SYNPR: variants seen among roughly 807,000 people sequenced by gnomAD.
SYNPR encodes synaptoporin.
Under a neutral mutation model 32.9 loss-of-function variants are expected in SYNPR, and 23 were observed. The ratio of observed to expected loss-of-function variants is 0.70; its 90% CI spans 0.50 to 0.99. SYNPR has a LOEUF of 0.99. SYNPR is among the 50% of genes least tolerant of loss of function. The pLI, the probability that SYNPR is intolerant of heterozygous loss-of-function variation, is 0.00. For missense variants in SYNPR, 318 were observed against 349.3 expected (o/e 0.91, Z 0.71); for synonymous variants, 146 against 135.9 (o/e 1.07, Z -0.52).
intron 2 of SYNPR, among the ~76,000 whole-genome samples, chr3:63,336,861 C>A (rs1444754962): frequency 2.0e-5 from 3 of 152,074 alleles, no homozygotes; most frequent in Admixed American, 6.6e-5. Context: ...TGATAAAGCA[C>A]TTGTATCCAG....
chr3:63,380,966 G>A (rs1302798192), intron 2 of SYNPR, among the ~76,000 whole-genome samples: 2 of 152,076 alleles, frequency 1.3e-5, no homozygotes, highest in Non-Finnish European at 2.9e-5. Flanking sequence ...GGCAAAAACT[G>A]GAAGCATTCC....
At chr3:63,355,214 G>A (rs975050715) in intron 2 of SYNPR, among the ~76,000 whole-genome samples, 1 of 151,820 alleles carries the variant, frequency 6.6e-6, no homozygotes, top group African/African-American at 2.4e-5. Context: ...TGGAGGTGGA[G>A]GTTGCGGTGA....
intron 2 of SYNPR, among the ~76,000 whole-genome samples, chr3:63,264,623 C>T (rs1407706894): frequency 6.6e-6 from 1 of 152,134 alleles, no homozygotes; most frequent in Admixed American, 6.5e-5. Flanking sequence ...AAGTGGTAGC[C>T]TGACATTCAA....
chr3:63,366,504 T>G (rs2087731098), intron 2 of SYNPR, among the ~76,000 whole-genome samples: 1 of 152,200 alleles, frequency 6.6e-6, no homozygotes, highest in African/African-American at 2.4e-5. Context: ...GATAACAGTT[T>G]TACCTAGTGA....
intron 2 of SYNPR, among the ~76,000 whole-genome samples, chr3:63,445,369 T>G (rs1185851309): frequency 2.0e-5 from 3 of 152,170 alleles, no homozygotes; most frequent in African/African-American, 7.2e-5. Flanking sequence ...GGATCCTTAG[T>G]TGGAGTTAGA....
intron 2 of SYNPR, among the ~76,000 whole-genome samples, chr3:63,319,198 A>G (rs942849382): frequency 1.3e-5 from 2 of 151,912 alleles, no homozygotes; most frequent in Non-Finnish European, 2.9e-5. Context: ...TCTCCAATGT[A>G]TGTTTTTGGT....
At chr3:63,208,686 C>T in the SYNPR span, among the ~76,000 whole-genome samples, 5 of 152,104 alleles carry the variant, frequency 3.3e-5, no homozygotes, top group African/African-American at 4.8e-5. Flanking sequence ...TTTGGGAAGG[C>T]CTGCAAACTC....
chr3:63,383,181 A>G (rs1477385274), intron 2 of SYNPR, among the ~76,000 whole-genome samples: 1 of 152,174 alleles, frequency 6.6e-6, no homozygotes, highest in East Asian at 1.9e-4. Flanking sequence ...TTTTGTATTC[A>G]GTTTTATTTC....
At chr3:63,443,194 T>G in intron 2 of SYNPR, 2 of 1,305,910 alleles carry the variant, frequency 1.5e-6, no homozygotes, top group Non-Finnish European at 2.0e-6. Context: ...CAGGTTCCTG[T>G]ACTCAGCTGT....
At chr3:63,541,123 G>A (rs533783944) in intron 3 of SYNPR, among the ~76,000 whole-genome samples, 82 of 151,618 alleles carry the variant, frequency 5.4e-4, no homozygotes, top group Non-Finnish European at 9.1e-4. Context: ...GGTAAGTTGC[G>A]AATGTCAGAC....
intron 2 of SYNPR, among the ~76,000 whole-genome samples, chr3:63,362,161 C>G (rs1045091650): frequency 6.6e-6 from 1 of 152,152 alleles, no homozygotes; most frequent in Non-Finnish European, 1.5e-5. Flanking sequence ...GATGGTGAAG[C>G]CATGCTCACT....
chr3:63,445,466 T>C (rs939180118), intron 2 of SYNPR: 1 of 669,674 alleles, frequency 1.5e-6, no homozygotes, highest in Non-Finnish European at 2.7e-6. Flanking sequence ...CTTCCAAGCA[T>C]TAAAGACTTT....
chr3:63,394,358 T>G (rs1348903524), intron 2 of SYNPR, among the ~76,000 whole-genome samples: 2 of 152,346 alleles, frequency 1.3e-5, no homozygotes, highest in African/African-American at 2.4e-5. Flanking sequence ...ATCCAGAAAT[T>G]GTTGTAAATT....
intron 2 of SYNPR, among the ~76,000 whole-genome samples, chr3:63,464,371 A>C (rs1700640653): frequency 6.6e-6 from 1 of 152,170 alleles, no homozygotes; most frequent in Non-Finnish European, 1.5e-5. Flanking sequence ...CAACCAGGCA[A>C]GGAAAATTAT....
At chr3:63,262,166 C>G (rs1434194289) in intron 2 of SYNPR, among the ~76,000 whole-genome samples, 3 of 151,460 alleles carry the variant, frequency 2.0e-5, no homozygotes, top group African/African-American at 7.3e-5. Context: ...GAATGCAAAG[C>G]CTGAGGCAAA....
At chr3:63,364,891 A>C (rs1421087755) in intron 2 of SYNPR, among the ~76,000 whole-genome samples, 1 of 152,218 alleles carries the variant, frequency 6.6e-6, no homozygotes, top group Non-Finnish European at 1.5e-5. Flanking sequence ...AAATTAGGTT[A>C]CAGGGTAAAT....
chr3:63,530,052 C>T (rs747629396), intron 3 of SYNPR, among the ~76,000 whole-genome samples: 4 of 152,096 alleles, frequency 2.6e-5, no homozygotes, highest in Non-Finnish European at 5.9e-5. Flanking sequence ...CACCCCTGCA[C>T]CCTGACCCCC....
At chr3:63,375,454 A>G (rs1217665435) in intron 2 of SYNPR, among the ~76,000 whole-genome samples, 4 of 152,158 alleles carry the variant, frequency 2.6e-5, no homozygotes, top group African/African-American at 9.7e-5. Flanking sequence ...CATCATTCTC[A>G]GCAAACTATC....
chr3:63,385,905 A>C (rs1026776202), intron 2 of SYNPR, among the ~76,000 whole-genome samples: 5 of 152,210 alleles, frequency 3.3e-5, no homozygotes, highest in African/African-American at 1.2e-4. Context: ...CAGAGAGCTA[A>C]AAGTTTTGCA....
Sources: allele counts gnomAD v4.1 joint callset (sites outside exome capture counted in the v4.1 genomes callset), GRCh38; gene constraint gnomAD v4.1.1; transcripts MANE v1.5; gene names NCBI Gene and HGNC (gene_info 2026-07-23, HGNC 2026-07-21).